The following GRIN2D variants were observed in gnomAD, a reference collection of about 807,000 sequenced individuals.
GRIN2D encodes glutamate ionotropic receptor NMDA type subunit 2D, also known as glutamate receptor ionotropic, NMDA 2D.
In GRIN2D, 37 loss-of-function variants were observed where a neutral mutation model predicts 103.2. That is an observed-to-expected ratio of 0.36 (90% CI 0.28 to 0.47). GRIN2D has a LOEUF of 0.47. Among genes scored for constraint, GRIN2D ranks in the 20% least tolerant of loss-of-function variants. The probability of loss-of-function intolerance (pLI) is 1.00; values close to 1 mark genes in which losing one functional copy is unlikely to be tolerated. For synonymous variants in GRIN2D, 845 were observed against 885.6 expected (o/e 0.95, Z 0.81); for missense variants, 1,557 against 1,910.6 (o/e 0.81, Z 3.45).
In GRIN2D at chr19:48,443,659, G is replaced by A. The variant is rs1441810574; in HGVS notation, c.3733G>A (p.Ala1245Thr). Reference protein sequence around the residue: ...RPRASHRTPAAAAPHHHRHRR... With the variant: ...RPRASHRTPATAAPHHHRHRR... Reference sequence around the variant, plus strand: ...GCGGGCCTCGCACCGCACGCCCGCCGCCGCCGCGCCCCACCACCACAGGCA... The same window carrying A: ...GCGGGCCTCGCACCGCACGCCCGCCACCGCCGCGCCCCACCACCACAGGCA... The change falls in exon 14 of 14, where the codon GCC (alanine) becomes ACC (threonine). Residue 1245 changes from alanine to threonine, a missense_variant. Ala to Thr is a moderately conservative substitution (Grantham distance 58). Around this residue, in one of 7 missense-constraint regions of GRIN2D, gnomAD observed 632 missense variants for 572.8 expected, o/e 1.10. Transcript: ENST00000263269. The surrounding 1 kb of genome is among the most constrained non-coding windows in gnomAD (Gnocchi z 8.9). The A allele has an allele frequency of 1.7e-6, 2 of 1,152,660 alleles. No homozygotes were observed. Among genetic ancestry groups the A allele is most frequent in the Non-Finnish European group, 2.1e-6 (2 of 940,340 alleles). The allele number at this position is 1,152,660 out of a possible 1,614,324, so 71.4% of individuals were successfully genotyped here. A position where few individuals can be genotyped will look rare whatever the true frequency, so the allele number is the denominator to read the frequency against.
chr19:48,416,219 G>GA (rs1197906331), intron 8 of GRIN2D, 64 bp downstream of exon 8: 6 of 1,470,374 alleles, frequency 4.1e-6, no homozygotes, highest in Non-Finnish European at 5.6e-6. Context: ...AACCGTGTGG[G>GA]CCCTGGGATC....
chr19:48,393,761 GCCCGCAGCCT>G lies in GRIN2D; in HGVS notation c.-399_-390del, dbSNP rs970668065. Among the ~76,000 whole-genome samples, 4 of 152,010 alleles carry G rather than the reference GCCCGCAGCCT, an allele frequency of 2.6e-5. No individual in the cohort carries two copies. The highest frequency in any genetic ancestry group is 5.9e-5 in the Non-Finnish European group (4 of 67,998). On this transcript the variant is annotated 5_prime_UTR_variant, in exon 1 of 14. Coordinates refer to ENST00000263269, the MANE Select transcript of GRIN2D (RefSeq NM_000836.4). This position sits in a 1 kb window ranked among gnomAD's most constrained non-coding sequence, Gnocchi z 5.6. The stretch of plus-strand genomic sequence containing the variant: ...AGCCGCGGCCGCCGCCGCCACCCTC[GCCCGCAGCCT>G]CCCGCAGCCTCCCTCGGCCACCGGT...
intron 11 of GRIN2D, among the ~76,000 whole-genome samples, chr19:48,437,114 TTTTTG>T (rs960581332): frequency 6.6e-6 from 1 of 152,096 alleles, no homozygotes; most frequent in African/African-American, 2.4e-5. Flanking sequence ...GGCTGAGGTC[TTTTTG>T]TTTTGTTTTG....
At chr19:48,426,224 C>CTTTTTTTTTTTTTTTCTT (rs1555893890) in intron 11 of GRIN2D, among the ~76,000 whole-genome samples, 13 of 120,088 alleles carry the variant, frequency 1.1e-4, no homozygotes, top group South Asian at 5.1e-4. Context: ...TTCTTTCTTT[C>CTTTTTTTTTTTTTTTCTT]TTTTTTTTTT....
chr19:48,419,447 G>A (rs1970989266), intron 9 of GRIN2D, 88 bp downstream of exon 9: 2 of 1,503,498 alleles, frequency 1.3e-6, no homozygotes, highest in Admixed American at 2.1e-5. Flanking sequence ...CTGGAGGGGG[G>A]GCGGTCAAGC....
chr19:48,402,160 GAAAGAA>G (rs80084926), intron 3 of GRIN2D, among the ~76,000 whole-genome samples: 43,066 of 141,052 alleles, frequency 0.31, 6,996 homozygotes, highest in East Asian at 0.49. Context: ...AAGAAAGAAA[GAAAGAA>G]AGAGAGAAAA....
chr19:48,409,612 T>C (rs1349393215), intron 4 of GRIN2D, among the ~76,000 whole-genome samples: 1 of 151,834 alleles, frequency 6.6e-6, no homozygotes, highest in Non-Finnish European at 1.5e-5. Context: ...CGGACAGACA[T>C]CCAAATCATA....
Position 48,398,444 on chromosome 19 carries a change from C to T in GRIN2D, c.52C>T (p.Leu18=). 9.0e-7 allele frequency: 1 copy of T among 1,107,774 alleles called. No individual in the cohort carries two copies. Among genetic ancestry groups the T allele is most frequent in the Non-Finnish European group, 1.1e-6 (1 of 909,248 alleles). 68.6% of individuals were successfully genotyped at this position (1,107,774 alleles called of 1,614,324 possible). ...CCCTCGGGGCCCCGCTAAGATGCTGCTGCTGCTGGCGCTGGCCTGCGCCAG... is the reference window on the plus strand; with the variant it reads ...CCCTCGGGGCCCCGCTAAGATGCTGTTGCTGCTGGCGCTGGCCTGCGCCAG... ...RGPRGPAKML[L]LLALACASPF... is the part of the protein sequence containing the mutation. Residue 18 remains leucine, a synonymous_variant, in exon 3 of 14, where the codon CTG becomes TTG. Coordinates refer to ENST00000263269, the MANE Select transcript of GRIN2D (RefSeq NM_000836.4).
intron 3 of GRIN2D, among the ~76,000 whole-genome samples, chr19:48,402,166 A>AAGAAAGAAAGAAAGAAAG (rs748167336): frequency 5.0e-5 from 4 of 80,032 alleles, no homozygotes; most frequent in Non-Finnish European, 1.1e-4. Context: ...GAAAGAAAGA[A>AAGAAAGAAAGAAAGAAAG]AGAGAGAAAA....
At chr19:48,440,600 CA>C (rs757574005) in intron 11 of GRIN2D, among the ~76,000 whole-genome samples, 3 of 150,514 alleles carry the variant, frequency 2.0e-5, no homozygotes, top group East Asian at 3.9e-4. Context: ...CTCAGGAAAA[CA>C]AAAAAAAAGT....
rs1970882442 is a variant in GRIN2D at position 48,412,473 on chromosome 19, GAAA to G, written c.1086-1517_1086-1515del. ...AGAAAGAAAGAAAGAAAGAAAGAAA[GAAA>G]GAAAGAGAGAGAAAGAAAGAGGCGG... On this transcript the variant is annotated intron_variant, in intron 4 of 13. Coordinates refer to ENST00000263269, the MANE Select transcript of GRIN2D (RefSeq NM_000836.4). Among the ~76,000 whole-genome samples the G allele has an allele frequency of 7.3e-5, 11 of 150,510 alleles. No homozygotes were observed. The South Asian group carries it at 2.3e-3, about 32-fold the overall frequency.
rs970668065 is a variant in GRIN2D, at chr19:48,393,761, G to GCCCGCAGCCT, written c.-399_-390dup. ...AGCCGCGGCCGCCGCCGCCACCCTC[G>GCCCGCAGCCT]CCCGCAGCCTCCCGCAGCCTCCCTC... On this transcript the variant is annotated 5_prime_UTR_variant, in exon 1 of 14. Transcript: ENST00000263269. This position sits in a 1 kb window ranked among gnomAD's most constrained non-coding sequence, Gnocchi z 5.6. 1.3e-5 allele frequency among the ~76,000 whole-genome samples: 2 copies of GCCCGCAGCCT among 152,128 alleles called. No homozygotes were observed. Among genetic ancestry groups the GCCCGCAGCCT allele is most frequent in the Admixed American group, 6.5e-5 (1 of 15,284 alleles).
chr19:48,416,594 A>G (rs1322993282), intron 8 of GRIN2D, among the ~76,000 whole-genome samples: 1 of 152,194 alleles, frequency 6.6e-6, no homozygotes, highest in Non-Finnish European at 1.5e-5. Flanking sequence ...AGTCACCATC[A>G]GTGTTTACTG....
At chr19:48,422,946 G>A (rs1374182691) in intron 11 of GRIN2D, among the ~76,000 whole-genome samples, 1 of 151,992 alleles carries the variant, frequency 6.6e-6, no homozygotes, top group East Asian at 1.9e-4. Context: ...CAAAAATTAG[G>A]CTGGGTGCGG....
chr19:48,417,236 T>C (rs970165265), intron 8 of GRIN2D, among the ~76,000 whole-genome samples: 3 of 151,862 alleles, frequency 2.0e-5, no homozygotes, highest in African/African-American at 7.3e-5. Context: ...CCAGACCCTA[T>C]CTCTAAAAAA....
rs746578868 is a variant in GRIN2D at position 48,443,266 on chromosome 19, G to A, written c.3340G>A (p.Asp1114Asn). 52 of 1,531,300 alleles carry A rather than the reference G, an allele frequency of 3.4e-5. 1 individual carries two copies. The South Asian group carries it at 6.0e-4, about 18-fold the overall frequency. The allele number at this position is 1,531,300 out of a possible 1,614,324, so 94.9% of individuals were successfully genotyped here. The change falls in exon 14 of 14, where the codon GAC (aspartate) becomes AAC (asparagine). Residue 1114 changes from aspartate to asparagine, a missense_variant. Transcript: ENST00000263269. The surrounding 1 kb of genome is among the most constrained non-coding windows in gnomAD (Gnocchi z 8.9). The part of the protein sequence containing the change: ...PYLDLEPSPS[D>N]SEDSESLGGA... ...CCTCGATCTCGAGCCGTCGCCGTCGGACTCGGAGGACTCGGAGAGCCTGGG... is the reference window on the plus strand; with the variant it reads ...CCTCGATCTCGAGCCGTCGCCGTCGAACTCGGAGGACTCGGAGAGCCTGGG...
Position 48,415,005 on chromosome 19 carries a change from T to C in GRIN2D, c.1554T>C (p.Asp518=), listed in dbSNP as rs141634411. The C allele has an allele frequency of 3.7e-6, 6 of 1,603,514 alleles. No individual in the cohort carries two copies. The African/African-American group carries it at 6.7e-5, about 18-fold the overall frequency. The change falls in exon 7 of 14, where the codon GAT becomes GAC. Residue 518 remains aspartate (D), a synonymous_variant. Coordinates refer to ENST00000263269, the MANE Select transcript of GRIN2D (RefSeq NM_000836.4). ...VTNGKHGKKI[D]GVWNGMIGEV... is the part of the protein sequence containing the mutation. ...ATGGCAAGCACGGAAAGAAGATCGA[T>C]GGCGTCTGGAACGGCATGATCGGGG...
chr19:48,420,310 C>T (rs1345483486), intron 10 of GRIN2D, among the ~76,000 whole-genome samples: 3 of 151,840 alleles, frequency 2.0e-5, no homozygotes, highest in South Asian at 4.2e-4. Flanking sequence ...CACCTGTAGT[C>T]CCAGCTACCC....
intron 11 of GRIN2D, among the ~76,000 whole-genome samples, chr19:48,432,006 G>A (rs936988356): frequency 1.7e-4 from 25 of 151,284 alleles, no homozygotes; most frequent in African/African-American, 5.6e-4. Context: ...TCTGCCTCCC[G>A]GGTTCAAGCC....
Sources: gnomAD v4.1 joint callset for allele counts (sites outside exome capture counted in the v4.1 genomes callset) on GRCh38, gnomAD v4.1.1 for gene constraint, gnomAD v4.1.1 regional missense constraint, Gnocchi (gnomAD v3.1) non-coding constraint, MANE v1.5 for transcripts, NCBI Gene and HGNC (gene_info 2026-07-23, HGNC 2026-07-21) for gene names.